SHISA9: variants seen among roughly 807,000 people sequenced by gnomAD.
SHISA9 encodes protein shisa-9.
A neutral mutation model predicts 38.0 loss-of-function variants in SHISA9; 13 were observed. That is an observed-to-expected ratio of 0.34 (90% CI 0.22 to 0.54). The LOEUF (loss-of-function observed/expected upper bound fraction) is 0.54. Among genes scored for constraint, SHISA9 ranks in the 20% least tolerant of loss-of-function variants. The pLI is 0.91. For synonymous variants in SHISA9, 275 were observed against 242.0 expected, an observed-to-expected ratio of 1.14 and a Z score of -1.27; for missense variants, 538 against 575.8, an observed-to-expected ratio of 0.93 and a Z score of 0.67.
chr16:13,240,251 G>A lies in SHISA9; in HGVS notation c.*4842G>A, dbSNP rs1447912667. The A allele has an allele frequency of 6.6e-6, 1 of 152,222 alleles. No homozygotes were observed. Among genetic ancestry groups the A allele is most frequent in the Non-Finnish European group, 1.5e-5 (1 of 68,046 alleles). 9.4% of individuals were successfully genotyped at this position (152,222 alleles called of 1,614,324 possible). ...AACCGTATGTTCTGCAAGTAAACCT[G>A]TGTTAATACTTGTCAACAACTGCAG... On this transcript the variant is annotated 3_prime_UTR_variant, in exon 5 of 5. Coordinates refer to ENST00000558583, the MANE Select transcript of SHISA9 (RefSeq NM_001145204.3).
the SHISA9 span, among the ~76,000 whole-genome samples, chr16:13,468,291 G>T: frequency 2.6e-5 from 4 of 152,126 alleles, no homozygotes; most frequent in African/African-American, 7.2e-5. Flanking sequence ...TTCTGGACCC[G>T]GATTATTGGT....
At chr16:13,338,652 G>T in the SHISA9 span, among the ~76,000 whole-genome samples, 6 of 152,134 alleles carry the variant, frequency 3.9e-5, no homozygotes, top group Non-Finnish European at 5.9e-5. Flanking sequence ...GGGCAGTAAA[G>T]GGTCTGCCTC....
chr16:13,437,518 A>G, the SHISA9 span, among the ~76,000 whole-genome samples: 2 of 152,150 alleles, frequency 1.3e-5, no homozygotes, highest in Non-Finnish European at 2.9e-5. Flanking sequence ...GCAGTCAGTA[A>G]GCAGAGAAGC....
chr16:13,177,595 T>C (rs2050742628), intron 2 of SHISA9, among the ~76,000 whole-genome samples: 1 of 152,200 alleles, frequency 6.6e-6, no homozygotes, highest in South Asian at 2.1e-4. Context: ...TTTCCCTAAC[T>C]GATACCTGTC....
intron 4 of SHISA9, among the ~76,000 whole-genome samples, chr16:13,213,645 G>A (rs1046005278): frequency 5.9e-5 from 9 of 152,274 alleles, no homozygotes; most frequent in African/African-American, 1.9e-4. Flanking sequence ...TAATTAATGG[G>A]GGCGGGGCGG....
the SHISA9 span, among the ~76,000 whole-genome samples, chr16:13,479,877 G>A: frequency 1.2e-4 from 18 of 152,206 alleles, no homozygotes; most frequent in Middle Eastern, 3.4e-3. Context: ...TCCATTTCCT[G>A]GTTCCATTTC....
chr16:13,533,921 C>T, the SHISA9 span, among the ~76,000 whole-genome samples: 1 of 151,702 alleles, frequency 6.6e-6, no homozygotes, highest in Non-Finnish European at 1.5e-5. Flanking sequence ...GTAGCTGGGA[C>T]TACAGGCGCC....
At chr16:13,269,168 G>T in the SHISA9 span, among the ~76,000 whole-genome samples, 90 of 152,300 alleles carry the variant, frequency 5.9e-4, no homozygotes, top group African/African-American at 2.1e-3. Context: ...GAATAAGCTT[G>T]TCAATGTTTG....
intron 1 of SHISA9, chr16:12,910,941 A>T (rs75882511): frequency 0.14 from 23,569 of 172,874 alleles, 1,730 homozygotes; most frequent in South Asian, 0.28. Context: ...TAGAAGGGCA[A>T]TCTGTCTTAC....
intron 2 of SHISA9, among the ~76,000 whole-genome samples, chr16:13,090,991 C>T (rs2073769104): frequency 6.6e-6 from 1 of 152,162 alleles, no homozygotes; most frequent in Non-Finnish European, 1.5e-5. Flanking sequence ...TAAGGCAGGC[C>T]TGGTGGTGAC....
the SHISA9 span, among the ~76,000 whole-genome samples, chr16:13,341,314 C>T: frequency 3.3e-5 from 5 of 152,180 alleles, no homozygotes; most frequent in Non-Finnish European, 7.4e-5. Context: ...TTCACATTTT[C>T]TGCAGATTCA....
the SHISA9 span, among the ~76,000 whole-genome samples, chr16:13,541,697 C>T: frequency 0.14 from 21,813 of 152,126 alleles, 1,895 homozygotes; most frequent in East Asian, 0.34. Context: ...ATCCCTTTCA[C>T]AAGGTTGTGG....
the SHISA9 span, among the ~76,000 whole-genome samples, chr16:13,299,215 C>T: frequency 1.3e-5 from 2 of 152,166 alleles, no homozygotes; most frequent in African/African-American, 2.4e-5. Flanking sequence ...TGTAAAACTT[C>T]CTTTGCCAAA....
chr16:13,175,374 T>C (rs2050723099), intron 2 of SHISA9, among the ~76,000 whole-genome samples: 1 of 152,070 alleles, frequency 6.6e-6, no homozygotes, highest in Non-Finnish European at 1.5e-5. Flanking sequence ...CCAAAATAAA[T>C]ACATACAAAT....
chr16:13,520,985 G>A, the SHISA9 span, among the ~76,000 whole-genome samples: 10 of 152,204 alleles, frequency 6.6e-5, no homozygotes, highest in South Asian at 6.2e-4. Context: ...TTTCATTGTC[G>A]TGAGAACACT....
At chr16:13,402,098 C>A in the SHISA9 span, among the ~76,000 whole-genome samples, 1 of 152,126 alleles carries the variant, frequency 6.6e-6, no homozygotes, top group Non-Finnish European at 1.5e-5. Flanking sequence ...ACCATATAAT[C>A]AGTGTTCTCC....
At chr16:12,909,171 G>T (rs928800197) in intron 1 of SHISA9, 69 of 985,828 alleles carry the variant, frequency 7.0e-5, no homozygotes, top group Non-Finnish European at 7.7e-5. Context: ...TGCAGGGTAT[G>T]TTGACTTCTC....
At chr16:13,227,103 T>C (rs918130188) in intron 4 of SHISA9, among the ~76,000 whole-genome samples, 4 of 152,232 alleles carry the variant, frequency 2.6e-5, no homozygotes, top group African/African-American at 9.6e-5. Flanking sequence ...AATGCCTGCC[T>C]CTCTAGTAGA....
At chr16:13,467,369 T>C in the SHISA9 span, among the ~76,000 whole-genome samples, 4 of 152,182 alleles carry the variant, frequency 2.6e-5, no homozygotes, top group Admixed American at 2.6e-4. Context: ...GACATCAGAC[T>C]CTAGGTTCTT....
Sources: gnomAD v4.1 joint callset for allele counts (sites outside exome capture counted in the v4.1 genomes callset) on GRCh38, gnomAD v4.1.1 for gene constraint, MANE v1.5 for transcripts, NCBI Gene and HGNC (gene_info 2026-07-23, HGNC 2026-07-21) for gene names.